Variants in RBPJ observed in about 807,000 individuals in gnomAD.
RBPJ encodes the protein recombining binding protein suppressor of hairless.
A neutral mutation model predicts 67.8 loss-of-function variants in RBPJ; 9 were observed. The observed-to-expected ratio is 0.13, with a 90% CI of 0.08 to 0.23. The LOEUF is 0.23. Ranked by LOEUF, RBPJ falls within the 10% of genes least tolerant of loss-of-function variation. The pLI is 1.00. For synonymous variants in RBPJ, 198 were observed against 203.3 expected, an observed-to-expected ratio of 0.97 and a Z score of 0.22; for missense variants, 305 against 595.6, an observed-to-expected ratio of 0.51 and a Z score of 5.08.
At chr4:26,359,564 G>GCCCCTGCTGCCA (rs1727804300) in intron 1 of RBPJ, 1 of 151,818 alleles carries the variant, frequency 6.6e-6, no homozygotes, top group South Asian at 2.1e-4. Flanking sequence ...CCCTGCTGCC[G>GCCCCTGCTGCCA]GCGCCGGCAG....
chr4:26,270,196 C>T (rs1329125363), intron 1 of RBPJ, among the ~76,000 whole-genome samples: 2 of 149,970 alleles, frequency 1.3e-5, no homozygotes, highest in Admixed American at 6.7e-5. Context: ...GCAAGAGAAT[C>T]GCTTGACCAG....
At chr4:26,348,304 C>T (rs896818041) in intron 1 of RBPJ, among the ~76,000 whole-genome samples, 7 of 152,178 alleles carry the variant, frequency 4.6e-5, no homozygotes, top group African/African-American at 1.7e-4. Context: ...CTGTGTTTGT[C>T]TCCTGGAGGG....
chr4:26,274,149 T>C (rs1721006981), intron 1 of RBPJ, among the ~76,000 whole-genome samples: 1 of 152,144 alleles, frequency 6.6e-6, no homozygotes, highest in Admixed American at 6.6e-5. Flanking sequence ...TTTTACTGCT[T>C]CATTTGATTT....
rs1725698329 is a variant in RBPJ at position 26,342,939 on chromosome 4, T to C, written c.20+21891T>C. On this transcript the variant is annotated intron_variant, in intron 1 of 10. Coordinates refer to ENST00000355476, the MANE Select transcript of RBPJ (RefSeq NM_015874.6). The stretch of plus-strand genomic sequence containing the variant: ...GGTATTCTACATGTCATCCATTCTT[T>C]CTATTATACTGGAGTACTTTTGTTT... 2.0e-5 allele frequency among the ~76,000 whole-genome samples: 3 copies of C among 152,226 alleles called. No homozygotes were observed. In the South Asian group the frequency reaches 6.2e-4, roughly 32 times the overall value.
At chr4:26,415,774 C>A (rs1577653677) in intron 4 of RBPJ, 134 bp downstream of exon 4, 3 of 677,110 alleles carry the variant, frequency 4.4e-6, no homozygotes, top group South Asian at 2.2e-5. Context: ...TAAACTAGGA[C>A]CAAAAAACAT....
chr4:26,273,577 A>T (rs1720981382), intron 1 of RBPJ, among the ~76,000 whole-genome samples: 1 of 152,230 alleles, frequency 6.6e-6, no homozygotes, highest in African/African-American at 2.4e-5. Flanking sequence ...ATCTAAGAGG[A>T]GGGCACAGAT....
chr4:26,235,114 T>C (rs1339491933), intron 1 of RBPJ, among the ~76,000 whole-genome samples: 1 of 152,164 alleles, frequency 6.6e-6, no homozygotes, highest in East Asian at 1.9e-4. Flanking sequence ...ACCTGGCACA[T>C]AGTAAGTGTT....
intron 1 of RBPJ, among the ~76,000 whole-genome samples, chr4:26,353,544 A>T (rs918929559): frequency 1.3e-5 from 2 of 152,108 alleles, no homozygotes; most frequent in African/African-American, 4.8e-5. Context: ...ATATTAGACA[A>T]CCTTTTTATA....
At chr4:26,333,971 C>T (rs927590811) in intron 1 of RBPJ, among the ~76,000 whole-genome samples, 1 of 151,902 alleles carries the variant, frequency 6.6e-6, no homozygotes, top group Non-Finnish European at 1.5e-5. Flanking sequence ...ATGGCTCGGA[C>T]ATAATTTTTA....
chr4:26,109,458 C>CTATA, the RBPJ span, among the ~76,000 whole-genome samples: 23 of 14,388 alleles, frequency 1.6e-3, no homozygotes, highest in Non-Finnish European at 2.7e-3. Flanking sequence ...CTCTCTCTCT[C>CTATA]TCTATATATA....
At chr4:26,272,001 G>A (rs1322071113) in intron 1 of RBPJ, among the ~76,000 whole-genome samples, 2 of 152,182 alleles carry the variant, frequency 1.3e-5, no homozygotes, top group South Asian at 2.1e-4. Context: ...CAGTGCCTTG[G>A]GTCACTTGCT....
upstream of RBPJ, among the ~76,000 whole-genome samples, chr4:26,318,923 G>A (rs1722761135): frequency 6.8e-6 from 1 of 147,318 alleles, no homozygotes; most frequent in Non-Finnish European, 1.5e-5. Context: ...CGTGAATCCA[G>A]GAGGCGGAGC....
intron 1 of RBPJ, chr4:26,321,529 CA>C (rs1283406700): frequency 6.6e-6 from 1 of 152,610 alleles, no homozygotes; most frequent in African/African-American, 2.4e-5. Context: ...TGGCGTCCCG[CA>C]TCCCCTCTCC....
upstream of RBPJ, among the ~76,000 whole-genome samples, chr4:26,315,167 A>AAAAAAAAAAAAAT: frequency 1.3e-5 from 1 of 74,758 alleles, no homozygotes; most frequent in Non-Finnish European, 2.3e-5. Context: ...AAAAAAAAAA[A>AAAAAAAAAAAAAT]ATATATATAT....
intron 1 of RBPJ, among the ~76,000 whole-genome samples, chr4:26,255,208 TC>T (rs1438586152): frequency 2.9e-5 from 4 of 140,210 alleles, no homozygotes; most frequent in African/African-American, 1.1e-4. Flanking sequence ...ATCGGGACCA[TC>T]CTGGCTAACA....
At chr4:26,368,870 A>T (rs933038559) in intron 1 of RBPJ, among the ~76,000 whole-genome samples, 1 of 152,238 alleles carries the variant, frequency 6.6e-6, no homozygotes, top group Admixed American at 6.5e-5. Context: ...AAATATGCTT[A>T]TAAAATGGGG....
At chr4:26,230,089 T>A (rs951867748) in intron 1 of RBPJ, among the ~76,000 whole-genome samples, 1 of 149,886 alleles carries the variant, frequency 6.7e-6, no homozygotes, top group African/African-American at 2.5e-5. Flanking sequence ...ACTTGGGAGG[T>A]TGAGGTGGGA....
the RBPJ span, among the ~76,000 whole-genome samples, chr4:26,109,894 C>T: frequency 6.6e-6 from 1 of 152,166 alleles, no homozygotes; most frequent in East Asian, 1.9e-4. Context: ...CTTATTCATT[C>T]TCCCATTGCC....
chr4:26,212,350 T>TG (rs765266310), intron 1 of RBPJ, among the ~76,000 whole-genome samples: 3 of 151,976 alleles, frequency 2.0e-5, no homozygotes, highest in Non-Finnish European at 4.4e-5. Flanking sequence ...ATTACAATGT[T>TG]GGGGCATTTT....
Sources: allele counts gnomAD v4.1 joint callset (sites outside exome capture counted in the v4.1 genomes callset), GRCh38; gene constraint gnomAD v4.1.1; transcripts MANE v1.5; gene names NCBI Gene and HGNC (gene_info 2026-07-23, HGNC 2026-07-21).